The following RAD9B variants were observed in gnomAD, a reference collection of about 807,000 sequenced individuals.
RAD9B encodes the protein cell cycle checkpoint control protein RAD9B.
Under a neutral mutation model 48.3 loss-of-function variants are expected in RAD9B, and 41 were observed. The ratio of observed to expected loss-of-function variants is 0.85; its 90% CI spans 0.66 to 1.10. The LOEUF is 1.10. RAD9B is among the 50% of genes least tolerant of loss of function. The probability of loss-of-function intolerance (pLI) is 0.00; values close to 1 mark genes in which losing one functional copy is unlikely to be tolerated. For synonymous variants in RAD9B, 160 were observed against 157.9 expected, an observed-to-expected ratio of 1.01 and a Z score of -0.10; for missense variants, 444 against 485.1, an observed-to-expected ratio of 0.92 and a Z score of 0.80.
At position 110,533,306 on chromosome 12, in the gene RAD9B, T is replaced by G. The variant is rs1171880195; in HGVS notation, c.*2653T>G. On this transcript the variant is annotated 3_prime_UTR_variant, in exon 11 of 11. Transcript: ENST00000409300. ...GTTTATTTAAATGTATTTACAGAAC[T>G]ATTCCTGCATAAGTTATAATTCAGA... 1 of 152,198 alleles carries G rather than the reference T, an allele frequency of 6.6e-6. No homozygotes were observed. The highest frequency in any genetic ancestry group is 6.5e-5 in the Admixed American group (1 of 15,284). The allele number at this position is 152,198 out of a possible 1,614,324, so 9.4% of individuals were successfully genotyped here.
intron 8 of RAD9B, among the ~76,000 whole-genome samples, 155 bp from the exon 9 acceptor site, chr12:110,519,639 T>C (rs944091581): frequency 6.6e-6 from 1 of 152,140 alleles, no homozygotes; most frequent in Non-Finnish European, 1.5e-5. Flanking sequence ...TTTCTTCATG[T>C]TGGTCAGGCT....
chr12:110,510,335 A>C (rs2063422131), intron 4 of RAD9B, among the ~76,000 whole-genome samples: 1 of 152,210 alleles, frequency 6.6e-6, no homozygotes, highest in African/African-American at 2.4e-5. Context: ...GTGGTAGATC[A>C]CAAAAAAAAT....
intron 4 of RAD9B, among the ~76,000 whole-genome samples, chr12:110,510,036 C>T (rs1253709329): frequency 6.6e-6 from 1 of 152,174 alleles, no homozygotes; most frequent in Non-Finnish European, 1.5e-5. Flanking sequence ...ACAGTGATCC[C>T]TTTAAAATAG....
Position 110,531,064 on chromosome 12 carries a change from G to T in RAD9B, c.*411G>T. The T allele has an allele frequency of 1.0e-6, 1 of 999,362 alleles. No homozygotes were observed. Among genetic ancestry groups the T allele is most frequent in the Non-Finnish European group, 1.2e-6 (1 of 839,386 alleles). 61.9% of individuals were successfully genotyped at this position (999,362 alleles called of 1,614,324 possible). A position where few individuals can be genotyped will look rare whatever the true frequency, so the allele number is the denominator to read the frequency against. ...TTGTAGTCAGGTATCTTTTGTATTT[G>T]ATTGCAAACATTTGGATTTTAGTTT... is the stretch of plus-strand genomic sequence containing the variant. On this transcript the variant is annotated 3_prime_UTR_variant, in exon 11 of 11. Transcript: ENST00000409300.
In RAD9B at chr12:110,522,406, A is replaced by C; in HGVS notation, c.1120A>C (p.Arg374=). 6.2e-7 allele frequency: 1 copy of C among 1,601,260 alleles called. No homozygotes were observed. The highest frequency in any genetic ancestry group is 8.5e-7 in the Non-Finnish European group (1 of 1,172,452). ...TEEVPGSLCL[R]KFSCMFFGAV... is the part of the protein sequence containing the mutation. ...GGAAGTGCCAGGGTCTCTGTGTCTC[A>C]GAAAGGTAAAAGCATTGAGATTCAA... The change falls in exon 10 of 11, where the codon AGA becomes CGA. Residue 374 remains arginine (R), a synonymous_variant. Transcript: ENST00000409300.
intron 3 of RAD9B, among the ~76,000 whole-genome samples, chr12:110,506,210 A>G (rs1445347006): frequency 1.4e-5 from 2 of 146,676 alleles, no homozygotes; most frequent in Admixed American, 6.9e-5. Flanking sequence ...TTTTTTTGAG[A>G]CGGAGTCTCG....
chr12:110,529,106 A>C (rs574999511), intron 10 of RAD9B, among the ~76,000 whole-genome samples: 5 of 152,074 alleles, frequency 3.3e-5, no homozygotes, highest in Non-Finnish European at 5.9e-5. Flanking sequence ...ACAATTAGAG[A>C]TAAAGCAGTA....
chr12:110,503,245 C>G (rs941368129), intron 1 of RAD9B: 1 of 149,496 alleles, frequency 6.7e-6, no homozygotes, highest in African/African-American at 2.5e-5. Context: ...GACTCTGTCT[C>G]AAAAAAAATA....
intron 10 of RAD9B, among the ~76,000 whole-genome samples, chr12:110,528,794 C>A (rs955706660): frequency 9.9e-5 from 15 of 152,152 alleles, no homozygotes; most frequent in African/African-American, 3.6e-4. Flanking sequence ...GGGGCACAAT[C>A]TTGGCTCACT....
At chr12:110,502,627 G>A (rs2063117485) in intron 1 of RAD9B, 3 of 524,888 alleles carry the variant, frequency 5.7e-6, no homozygotes, top group African/African-American at 3.9e-5. Context: ...TTGTACCATC[G>A]GGCCACAAAC....
At position 110,506,612 on chromosome 12, in the gene RAD9B, C is replaced by T. The variant is rs2063279334; in HGVS notation, c.307C>T (p.Leu103Phe). The T allele has an allele frequency of 1.9e-6, 3 of 1,601,454 alleles. No individual in the cohort carries two copies. The highest frequency in any genetic ancestry group is 2.6e-6 in the Non-Finnish European group (3 of 1,169,120). Reference sequence around the variant, plus strand: ...GCCCATCTTTAGATGTCTGAATTCCCTTGAAAGAAATATAGAGAAGTGCAG... The same window carrying T: ...GCCCATCTTTAGATGTCTGAATTCCTTTGAAAGAAATATAGAGAAGTGCAG... ...ILPIFRCLNS[L>F]ERNIEKCRIF... Residue 103 changes from leucine (L) to phenylalanine (F), a missense_variant, in exon 4 of 11, where the codon CTT becomes TTT. Physicochemically the swap from Leu to Phe is conservative, Grantham distance 22. Coordinates refer to ENST00000409300, the MANE Select transcript of RAD9B (RefSeq NM_001286535.2).
intron 10 of RAD9B, among the ~76,000 whole-genome samples, chr12:110,530,324 C>T (rs1036542545): frequency 1.3e-5 from 2 of 152,118 alleles, no homozygotes. Flanking sequence ...AGATTACAGG[C>T]GTGAGCCACC....
intron 4 of RAD9B, chr12:110,511,590 A>T: frequency 2.8e-6 from 1 of 356,380 alleles, no homozygotes; most frequent in South Asian, 2.1e-5. Context: ...GTGGGTGAGT[A>T]TGAAGAGAGG....
At position 110,524,587 on chromosome 12, in the gene RAD9B, C is replaced by G. The variant is rs1263095674; in HGVS notation, c.1125+2176C>G. On this transcript the variant is annotated intron_variant, in intron 10 of 10. Coordinates refer to ENST00000409300, the MANE Select transcript of RAD9B (RefSeq NM_001286535.2). ...AAAAAGAAAAAAATTATTGTTGTTA[C>G]TTATCACTCTCTTGCTTTTAAAACT... 3.3e-5 allele frequency among the ~76,000 whole-genome samples: 5 copies of G among 151,750 alleles called. No homozygotes were observed. The South Asian group carries it at 8.4e-4, about 25-fold the overall frequency.
chr12:110,506,860 G>A (rs1336896008), intron 4 of RAD9B, among the ~76,000 whole-genome samples, 167 bp downstream of exon 4: 1 of 147,200 alleles, frequency 6.8e-6, no homozygotes, highest in Non-Finnish European at 1.5e-5. Flanking sequence ...TTTTTTTTGA[G>A]ATGGAGTCTT....
intron 6 of RAD9B, 54 bp from the exon 7 acceptor site, chr12:110,518,622 T>C: frequency 2.2e-6 from 3 of 1,334,176 alleles, no homozygotes; most frequent in Non-Finnish European, 3.1e-6. Flanking sequence ...TTTTTTCCTC[T>C]AAATTCATCT....
At chr12:110,513,845 TC>T (rs1010163873) in intron 5 of RAD9B, among the ~76,000 whole-genome samples, 2 of 151,908 alleles carry the variant, frequency 1.3e-5, no homozygotes, top group African/African-American at 4.8e-5. Context: ...TGCCTCAGCT[TC>T]CCGAGTAGCT....
chr12:110,520,076 G>C (rs2063728126), intron 9 of RAD9B, among the ~76,000 whole-genome samples, 160 bp downstream of exon 9: 1 of 152,198 alleles, frequency 6.6e-6, no homozygotes, highest in African/African-American at 2.4e-5. Context: ...CTTACCTGTA[G>C]CATAGAAACA....
At chr12:110,511,383 G>A (rs565487694) in intron 4 of RAD9B, 2 of 393,610 alleles carry the variant, frequency 5.1e-6, no homozygotes, top group African/African-American at 2.1e-5. Flanking sequence ...ATACACAATG[G>A]AATACTATTT....
Sources: gnomAD v4.1 joint callset for allele counts (sites outside exome capture counted in the v4.1 genomes callset) on GRCh38, gnomAD v4.1.1 for gene constraint, MANE v1.5 for transcripts, NCBI Gene and HGNC (gene_info 2026-07-23, HGNC 2026-07-21) for gene names.